WDR4: variants seen among roughly 807,000 people sequenced by gnomAD.
The protein encoded by WDR4 is tRNA (guanine-N(7)-)-methyltransferase non-catalytic subunit WDR4.
A neutral mutation model predicts 48.6 loss-of-function variants in WDR4; 47 were observed. That is an observed-to-expected ratio of 0.97 (90% CI 0.77 to 1.23). The LOEUF is 1.23. WDR4 is among the 50% of genes most tolerant of loss of function. WDR4 has a pLI of 0.00. For missense variants in WDR4, 606 were observed against 551.6 expected (o/e 1.10, Z -0.99); for synonymous variants, 268 against 230.0 (o/e 1.17, Z -1.49).
rs139314416 is a variant in WDR4 at position 42,857,770 on chromosome 21, G to A, written c.627+1892C>T. Among the ~76,000 whole-genome samples, 404 of 150,664 alleles carry A rather than the reference G, an allele frequency of 2.7e-3. 4 individuals are homozygous for A. Among genetic ancestry groups the A allele is most frequent in the African/African-American group, 9.3e-3 (377 of 40,466 alleles). ...AAGAAGTAAGACTATTCCTAAAGGA[G>A]TAGAAATACGAGATTGAACAGGAAA... On this transcript the variant is annotated intron_variant, in intron 6 of 10. Transcript: ENST00000398208.
At chr21:42,861,178 G>A (rs995922787) in intron 5 of WDR4, among the ~76,000 whole-genome samples, 7 of 152,042 alleles carry the variant, frequency 4.6e-5, no homozygotes, top group African/African-American at 7.2e-5. Flanking sequence ...GCCGGGCGTG[G>A]TGGCAGGGGC....
At chr21:42,873,427 G>A in intron 3 of WDR4, 124 bp downstream of exon 3, 2 of 1,386,756 alleles carry the variant, frequency 1.4e-6, no homozygotes, top group East Asian at 4.6e-5. Flanking sequence ...GTCTGGCACT[G>A]AACTGCGGCT....
At chr21:42,870,770 CAA>C (rs1290990276) in intron 3 of WDR4, among the ~76,000 whole-genome samples, 4 of 152,006 alleles carry the variant, frequency 2.6e-5, no homozygotes, top group Non-Finnish European at 5.9e-5. Flanking sequence ...GCCTGGGAAA[CAA>C]GAGTGAAACT....
the WDR4 span, among the ~76,000 whole-genome samples, chr21:42,885,615 A>AAT: frequency 1.8e-4 from 27 of 151,654 alleles, no homozygotes; most frequent in African/African-American, 6.1e-4. Flanking sequence ...ATCAAAAAAA[A>AAT]ATATATAGAT....
chr21:42,884,186 TA>T (rs2058623714), upstream of WDR4, among the ~76,000 whole-genome samples: 1 of 152,238 alleles, frequency 6.6e-6, no homozygotes, highest in East Asian at 1.9e-4. Context: ...CATTGGTTGA[TA>T]GGCAGTTTGG....
intron 4 of WDR4, among the ~76,000 whole-genome samples, chr21:42,863,172 C>A (rs1163917931): frequency 2.0e-5 from 3 of 152,208 alleles, no homozygotes; most frequent in Non-Finnish European, 2.9e-5. Flanking sequence ...GTTCCCACCA[C>A]TCCCCTGCTC....
chr21:42,864,107 C>CAAAAA (rs776906461), intron 3 of WDR4, among the ~76,000 whole-genome samples: 240 of 49,788 alleles, frequency 4.8e-3, no homozygotes, highest in Non-Finnish European at 5.2e-3. Context: ...GACTCCGTCT[C>CAAAAA]AAAAAAAAAA....
chr21:42,852,252 C>A lies in WDR4; in HGVS notation c.1045+3G>T, dbSNP rs753601640. On this transcript the variant is annotated splice_donor_region_variant and intron_variant, in intron 10 of 10. Coordinates refer to ENST00000398208, the MANE Select transcript of WDR4 (RefSeq NM_018669.6). Reference sequence around the variant, plus strand: ...CAAGGGCAGCCTGCACCCGTGCTCTCACCTTCCAGCATGGCCCAGTTCCCA... The same window carrying A: ...CAAGGGCAGCCTGCACCCGTGCTCTAACCTTCCAGCATGGCCCAGTTCCCA... 1 of 1,614,102 alleles carries A rather than the reference C, an allele frequency of 6.2e-7. No individual in the cohort carries two copies. Among genetic ancestry groups the A allele is most frequent in the South Asian group, 1.1e-5 (1 of 91,038 alleles).
Position 42,852,251 on chromosome 21 carries a change from T to C in WDR4, c.1045+4A>G, listed in dbSNP as rs2057850606. ...CCAAGGGCAGCCTGCACCCGTGCTC[T>C]CACCTTCCAGCATGGCCCAGTTCCC... On this transcript the variant is annotated splice_donor_region_variant and intron_variant, in intron 10 of 10. Coordinates refer to ENST00000398208, the MANE Select transcript of WDR4 (RefSeq NM_018669.6). The C allele has an allele frequency of 2.5e-6, 4 of 1,613,974 alleles. No homozygotes were observed.
intron 9 of WDR4, among the ~76,000 whole-genome samples, chr21:42,852,687 G>A (rs530219360): frequency 1.2e-4 from 19 of 152,268 alleles, no homozygotes; most frequent in African/African-American, 3.6e-4. Flanking sequence ...AGGCCAAGGC[G>A]GGCGGATCAC....
At chr21:42,877,270 G>A (rs1403688360) in intron 1 of WDR4, among the ~76,000 whole-genome samples, 3 of 148,404 alleles carry the variant, frequency 2.0e-5, no homozygotes, top group Admixed American at 6.8e-5. Context: ...CAGCCTTCCC[G>A]GTAGCTGGAA....
chr21:42,880,984 C>G (rs577703314), upstream of WDR4, among the ~76,000 whole-genome samples: 1 of 150,704 alleles, frequency 6.6e-6, no homozygotes, highest in East Asian at 1.9e-4. Context: ...GGCTGAAGTG[C>G]AACCTCCACC....
chr21:42,883,511 A>G (rs1335997493), upstream of WDR4: 3 of 153,626 alleles, frequency 2.0e-5, no homozygotes, highest in Admixed American at 6.6e-5. Context: ...TTTTGGGGAA[A>G]GGGTCTTTTC....
At chr21:42,846,085 A>G (rs1602674805), downstream of WDR4, among the ~76,000 whole-genome samples, 1 of 152,106 alleles carries the variant, frequency 6.6e-6, no homozygotes, top group Non-Finnish European at 1.5e-5. Flanking sequence ...AGGTCACACC[A>G]CTGCACTCCA....
chr21:42,878,096 A>G (rs1027612213), intron 1 of WDR4, among the ~76,000 whole-genome samples: 1 of 152,084 alleles, frequency 6.6e-6, no homozygotes, highest in Non-Finnish European at 1.5e-5. Flanking sequence ...TTGAGCGTTC[A>G]GTGGGATTCT....
chr21:42,881,183 G>A (rs2058607176), upstream of WDR4, among the ~76,000 whole-genome samples: 1 of 152,204 alleles, frequency 6.6e-6, no homozygotes, highest in African/African-American at 2.4e-5. Context: ...TGGGATTACA[G>A]GCGTGAGCCA....
In WDR4 at chr21:42,873,312, T is replaced by C. The variant is rs2156318; in HGVS notation, c.296+239A>G. 0.65 allele frequency among the ~76,000 whole-genome samples: 98,790 copies of C among 152,098 alleles called. 33,989 individuals carry two copies. The highest frequency in any genetic ancestry group is 0.88 in the African/African-American group (36,465 of 41,534). ...CGAGCCCACTGATCGGAGTCTGCTATCTAACTGTTCACCACCCAGCGTGGG... is the reference window on the plus strand; with the variant it reads ...CGAGCCCACTGATCGGAGTCTGCTACCTAACTGTTCACCACCCAGCGTGGG... On this transcript the variant is annotated intron_variant, in intron 3 of 10. Coordinates refer to ENST00000398208, the MANE Select transcript of WDR4 (RefSeq NM_018669.6).
intron 8 of WDR4, among the ~76,000 whole-genome samples, chr21:42,853,970 GC>G (rs2057914037): frequency 6.6e-6 from 1 of 152,292 alleles, no homozygotes; most frequent in Non-Finnish European, 1.5e-5. Context: ...TCGTGGTGCA[GC>G]AATAGCTAAC....
upstream of WDR4, among the ~76,000 whole-genome samples, chr21:42,881,894 T>G (rs2058613181): frequency 6.6e-6 from 1 of 151,998 alleles, no homozygotes; most frequent in African/African-American, 2.4e-5. Flanking sequence ...AACCTCTGCC[T>G]CCCGGGTTCA....
Sources: gnomAD v4.1 joint callset for allele counts (sites outside exome capture counted in the v4.1 genomes callset) on GRCh38, gnomAD v4.1.1 for gene constraint, MANE v1.5 for transcripts, NCBI Gene and HGNC (gene_info 2026-07-23, HGNC 2026-07-21) for gene names.